GOLGB1: variants seen among roughly 807,000 people sequenced by gnomAD.
GOLGB1 encodes golgin subfamily B member 1.
GOLGB1 carries 174 observed loss-of-function variants against 336.9 expected under a neutral mutation model. The observed-to-expected ratio is 0.52, with a 90% confidence interval of 0.46 to 0.59. The LOEUF (loss-of-function observed/expected upper bound fraction) is 0.59, where lower values mean the gene tolerates loss of function less well. Ranked by LOEUF, GOLGB1 falls within the 20% of genes least tolerant of loss-of-function variation. The pLI is 0.00. For missense variants in GOLGB1, 3,331 were observed against 3,645.3 expected, an observed-to-expected ratio of 0.91 and a Z score of 2.22; for synonymous variants, 1,208 against 1,289.2, an observed-to-expected ratio of 0.94 and a Z score of 1.35.
chr3:121,726,184 G>C (rs1468241750), intron 5 of GOLGB1, among the ~76,000 whole-genome samples: 1 of 151,416 alleles, frequency 6.6e-6, no homozygotes, highest in African/African-American at 2.4e-5. Context: ...TGTAATACCA[G>C]CACTTTGGGA....
rs61747466 is a variant in GOLGB1 at position 121,694,055 on chromosome 3, T to C, written c.6468A>G (p.Glu2156=). 1,813 of 1,614,136 alleles carry C rather than the reference T, an allele frequency of 1.1e-3. 31 individuals carry two copies. In the African/African-American group the frequency reaches 0.022, roughly 20 times the overall value. ...MQEKLDALRR[E]KVHLEETIGE... ...CAATTGTCTCTTCCAAGTGGACTTT[T>C]TCTCTGCGCAAAGCATCCAGTTTCT... The change falls in exon 13 of 22, where the codon GAA becomes GAG. Residue 2156 remains glutamate, a synonymous_variant. Transcript: ENST00000614479.
At chr3:121,746,452 A>C (rs1416305608) in intron 1 of GOLGB1, among the ~76,000 whole-genome samples, 9 of 131,204 alleles carry the variant, frequency 6.9e-5, no homozygotes, top group Admixed American at 3.7e-4. Context: ...TATTTAACTC[A>C]CTTTATTTAT....
At chr3:121,734,358 C>G (rs1204026141) in intron 1 of GOLGB1, among the ~76,000 whole-genome samples, 3 of 145,524 alleles carry the variant, frequency 2.1e-5, no homozygotes, top group Non-Finnish European at 3.0e-5. Context: ...CCACTGCACT[C>G]CAGTCTAGGC....
intron 10 of GOLGB1, among the ~76,000 whole-genome samples, chr3:121,705,955 T>C (rs1203815599): frequency 3.3e-5 from 5 of 152,046 alleles, no homozygotes; most frequent in Admixed American, 2.6e-4. Context: ...AGCAGCAGGA[T>C]CTGAAAGGAC....
intron 1 of GOLGB1, among the ~76,000 whole-genome samples, chr3:121,745,745 G>C (rs1315872094): frequency 6.6e-6 from 1 of 152,030 alleles, no homozygotes; most frequent in African/African-American, 2.4e-5. Context: ...CCAAGGCCAG[G>C]GATTCCATAA....
At chr3:121,704,081 A>T (rs987960515) in intron 10 of GOLGB1, among the ~76,000 whole-genome samples, 3 of 152,102 alleles carry the variant, frequency 2.0e-5, no homozygotes, top group Non-Finnish European at 4.4e-5. Flanking sequence ...AGGATGATAA[A>T]TCAACTGAAA....
intron 10 of GOLGB1, among the ~76,000 whole-genome samples, chr3:121,707,926 A>G (rs1181800923): frequency 2.0e-5 from 3 of 152,238 alleles, no homozygotes; most frequent in Admixed American, 6.5e-5. Context: ...AGTACCAGAA[A>G]TGGTAACTGC....
At chr3:121,699,444 C>T (rs1943212059) in intron 12 of GOLGB1, among the ~76,000 whole-genome samples, 1 of 152,092 alleles carries the variant, frequency 6.6e-6, no homozygotes, top group Non-Finnish European at 1.5e-5. Flanking sequence ...GGATCATTCT[C>T]CAAAGATCCC....
At chr3:121,746,066 T>C (rs1417371820) in intron 1 of GOLGB1, among the ~76,000 whole-genome samples, 3 of 152,206 alleles carry the variant, frequency 2.0e-5, no homozygotes, top group Non-Finnish European at 2.9e-5. Context: ...TATATATGCA[T>C]ATATGCCATC....
rs1441397383 is a variant in GOLGB1 at position 121,694,087 on chromosome 3, T to C, written c.6436A>G (p.Met2146Val). ...EEKHLKEKKN[M>V]QEKLDALRRE... is the part of the protein sequence containing the mutation. The stretch of plus-strand genomic sequence containing the variant: ...CGCAAAGCATCCAGTTTCTCTTGCA[T>C]ATTCTTCTTCTCTTTCAGGTGCTTC... The change falls in exon 13 of 22, where the codon ATG becomes GTG. Residue 2146 changes from methionine to valine, a missense_variant. Met to Val is a conservative substitution (Grantham distance 21, BLOSUM62 1). Transcript: ENST00000614479. The C allele has an allele frequency of 4.2e-5, 67 of 1,613,988 alleles. No homozygotes were observed. In the East Asian group the frequency reaches 1.3e-3, roughly 31 times the overall value.
chr3:121,727,351 C>CT (rs1945756245), intron 4 of GOLGB1, among the ~76,000 whole-genome samples: 1 of 79,504 alleles, frequency 1.3e-5, no homozygotes, highest in African/African-American at 4.3e-5. Context: ...TTTTTTTTCC[C>CT]TCACACCAAG....
chr3:121,680,666 A>T (rs1940965490), intron 15 of GOLGB1, among the ~76,000 whole-genome samples: 1 of 152,206 alleles, frequency 6.6e-6, no homozygotes, highest in Non-Finnish European at 1.5e-5. Context: ...AATAAATTGG[A>T]TTTCATCAAA....
chr3:121,706,514 T>C (rs1264330269), intron 10 of GOLGB1, among the ~76,000 whole-genome samples: 2 of 150,946 alleles, frequency 1.3e-5, no homozygotes, highest in African/African-American at 4.9e-5. Flanking sequence ...AGGGGGTGGA[T>C]TGCTTGAGAC....
intron 17 of GOLGB1, among the ~76,000 whole-genome samples, chr3:121,671,767 C>A (rs1328098363): frequency 6.6e-6 from 1 of 152,088 alleles, no homozygotes; most frequent in Non-Finnish European, 1.5e-5. Context: ...TATTTGCACC[C>A]ATTAATCAAC....
rs375571782 is a variant in GOLGB1 at position 121,709,232 on chromosome 3, C to T, written c.1404+5629G>A. On this transcript the variant is annotated intron_variant, in intron 10 of 21. Coordinates refer to ENST00000614479, the MANE Select transcript of GOLGB1 (RefSeq NM_001366282.2). ...TTAAAAGGAGAAACAGACAATTCCA[C>T]AGTCATAGTTGGAGATTTCAACCCC... Among the ~76,000 whole-genome samples, 131 of 152,276 alleles carry T rather than the reference C, an allele frequency of 8.6e-4. 1 individual carries two copies. In the South Asian group the frequency reaches 0.026, roughly 30 times the overall value.
Position 121,697,873 on chromosome 3 carries a change from C to T in GOLGB1, c.2650G>A (p.Asp884Asn). ...SQKELEITKM[D>N]QLLLEKKRDV... ...CTCTTTTTCTCTAGTAAGAGCTGAT[C>T]CATTTTTGTTATTTCAAGTTCCTTC... The change falls in exon 13 of 22, where the codon GAT (aspartate) becomes AAT (asparagine). Residue 884 changes from aspartate (D) to asparagine (N), a missense_variant. By Grantham distance (23) the Asp-to-Asn change is conservative. Coordinates refer to ENST00000614479, the MANE Select transcript of GOLGB1 (RefSeq NM_001366282.2). 1 of 1,614,010 alleles carries T rather than the reference C, an allele frequency of 6.2e-7. No homozygotes were observed. The highest frequency in any genetic ancestry group is 8.5e-7 in the Non-Finnish European group (1 of 1,179,928).
intron 1 of GOLGB1, among the ~76,000 whole-genome samples, chr3:121,747,397 A>G (rs907182384): frequency 6.9e-6 from 1 of 145,938 alleles, no homozygotes; most frequent in Non-Finnish European, 1.5e-5. Context: ...ATATATATAC[A>G]TATATACGTA....
chr3:121,692,723 TATTA>T (rs1167736439), intron 13 of GOLGB1, 142 bp from the exon 14 acceptor site: 43 of 569,412 alleles, frequency 7.6e-5, no homozygotes, highest in Non-Finnish European at 9.7e-5. Context: ...ACTGAAGAGG[TATTA>T]ATTCTCTGCA....
At chr3:121,692,714 C>T (rs998980536) in intron 13 of GOLGB1, 133 bp from the exon 14 acceptor site, 1 of 576,880 alleles carries the variant, frequency 1.7e-6, no homozygotes, top group South Asian at 2.5e-5. Context: ...AAATATTTTA[C>T]TGAAGAGGTA....
Sources: allele counts gnomAD v4.1 joint callset (sites outside exome capture counted in the v4.1 genomes callset), GRCh38; gene constraint gnomAD v4.1.1; transcripts MANE v1.5; gene names NCBI Gene and HGNC (gene_info 2026-07-23, HGNC 2026-07-21).